Variants in ZIM2 observed in about 807,000 individuals in gnomAD.
ZIM2 encodes zinc finger protein 656.
Under a neutral mutation model 38.6 loss-of-function variants are expected in ZIM2, and 14 were observed. The observed-to-expected ratio is 0.36, with a 90% CI of 0.24 to 0.57. The LOEUF is 0.57. ZIM2 is among the 20% of genes least tolerant of loss of function. The pLI is 0.81. For missense variants in ZIM2, 680 were observed against 695.1 expected (o/e 0.98, Z 0.24); for synonymous variants, 247 against 245.8 (o/e 1.00, Z -0.04).
intron 5 of ZIM2, among the ~76,000 whole-genome samples, chr19:56,823,042 G>T (rs2060652824): frequency 6.6e-6 from 1 of 152,170 alleles, no homozygotes; most frequent in Admixed American, 6.5e-5. Context: ...CTTTGCCCAA[G>T]TGGGGCTTGC....
intron 9 of ZIM2, chr19:56,793,174 C>T (rs560527021): frequency 1.3e-4 from 20 of 152,770 alleles, no homozygotes; most frequent in Non-Finnish European, 2.4e-4. Context: ...TGGCTGCAGC[C>T]ATTGCAAACA....
chr19:56,834,539 A>G (rs1313147967), intron 2 of ZIM2, among the ~76,000 whole-genome samples: 2 of 152,220 alleles, frequency 1.3e-5, no homozygotes, highest in African/African-American at 4.8e-5. Flanking sequence ...ACCATGAATT[A>G]ATAAACCAGA....
At chr19:56,821,594 C>T (rs1471654766) in intron 7 of ZIM2, 57 bp downstream of exon 7, 16 of 1,594,982 alleles carry the variant, frequency 1.0e-5, no homozygotes, top group East Asian at 2.2e-5. Flanking sequence ...GAAAGAAAGG[C>T]GTCTCTGCCA....
chr19:56,813,039 A>G (rs2059645703), intron 9 of ZIM2: 1 of 985,398 alleles, frequency 1.0e-6, no homozygotes, highest in African/African-American at 1.7e-5. Flanking sequence ...AGTAAAAGCC[A>G]TGTTATCTAT....
At chr19:56,780,329 G>C (rs1294123197) in intron 11 of ZIM2, among the ~76,000 whole-genome samples, 1 of 147,824 alleles carries the variant, frequency 6.8e-6, no homozygotes, top group South Asian at 2.1e-4. Flanking sequence ...TGCAGCCTCT[G>C]CCTCCCAGAT....
chr19:56,827,387 T>C (rs1314180670), intron 2 of ZIM2, among the ~76,000 whole-genome samples: 2 of 151,668 alleles, frequency 1.3e-5, no homozygotes, highest in Non-Finnish European at 2.9e-5. Flanking sequence ...CATTGAAAAA[T>C]GGAAGTTATT....
intron 11 of ZIM2, among the ~76,000 whole-genome samples, chr19:56,781,355 T>C (rs948803319): frequency 6.6e-6 from 1 of 152,216 alleles, no homozygotes; most frequent in Non-Finnish European, 1.5e-5. Flanking sequence ...CAACTTTACC[T>C]GTGAGAACAG....
chr19:56,805,962 C>A (rs990744140), intron 9 of ZIM2, among the ~76,000 whole-genome samples: 1 of 152,060 alleles, frequency 6.6e-6, no homozygotes, highest in East Asian at 1.9e-4. Context: ...ATAATAGTAC[C>A]TCAGTTATGT....
rs764269213 is a variant in ZIM2, at chr19:56,814,744, C to G, written c.490+3002G>C. 3.7e-6 allele frequency: 6 copies of G among 1,614,000 alleles called. No individual in the cohort carries two copies. In the African/African-American group the frequency reaches 6.7e-5, roughly 18 times the overall value. ...ATTAAGGGCAGAGCTATGAATGAAG[C>G]CTTGTCCACACAAAAGGCATCGAAT... On this transcript the variant is annotated intron_variant, in intron 9 of 12. Transcript: ENST00000629319. This position sits in a 1 kb window ranked among gnomAD's most constrained non-coding sequence, Gnocchi z 5.8.
intron 6 of ZIM2, 64 bp downstream of exon 6, chr19:56,822,689 C>G (rs893140692): frequency 6.3e-7 from 1 of 1,590,448 alleles, no homozygotes; most frequent in Non-Finnish European, 8.6e-7. Flanking sequence ...GCACTTTCCC[C>G]TTGAACCTGT....
At chr19:56,815,264 C>T (rs949777375) in intron 9 of ZIM2, 1 of 1,614,240 alleles carries the variant, frequency 6.2e-7, no homozygotes. Flanking sequence ...GACTCCTCGC[C>T]ATGAGACTTC....
intron 1 of ZIM2, among the ~76,000 whole-genome samples, chr19:56,839,696 A>G (rs3795004): frequency 0.16 from 23,515 of 151,050 alleles, 2,043 homozygotes; most frequent in East Asian, 0.33. Flanking sequence ...TGGGGCTGGA[A>G]CAGACCATTA....
At chr19:56,838,900 G>C (rs1313317315) in intron 1 of ZIM2, among the ~76,000 whole-genome samples, 1 of 152,064 alleles carries the variant, frequency 6.6e-6, no homozygotes, top group Non-Finnish European at 1.5e-5. Context: ...CAGCCGCCCC[G>C]ATCAAAGATG....
chr19:56,837,941 C>T (rs1409787369), intron 1 of ZIM2, among the ~76,000 whole-genome samples: 1 of 152,212 alleles, frequency 6.6e-6, no homozygotes, highest in African/African-American at 2.4e-5. Context: ...ACATTGAATG[C>T]CGGCTGCTCT....
chr19:56,782,142 G>A, intron 10 of ZIM2, 21 bp from the exon 11 acceptor site: 1 of 1,611,050 alleles, frequency 6.2e-7, no homozygotes, highest in Non-Finnish European at 8.5e-7. Flanking sequence ...GAGAGGAGAA[G>A]GGACGTGATT....
intron 9 of ZIM2, chr19:56,812,620 A>C: frequency 1.0e-6 from 1 of 985,720 alleles, no homozygotes; most frequent in Non-Finnish European, 1.2e-6. Context: ...GAAGCGCACA[A>C]AGGAAGTGAT....
chr19:56,817,277 C>T, intron 9 of ZIM2: 1 of 1,614,144 alleles, frequency 6.2e-7, no homozygotes, highest in Non-Finnish European at 8.5e-7. Context: ...CTCTTTCTTT[C>T]AAGAACTCTC....
At chr19:56,831,667 G>A (rs1246050628) in intron 2 of ZIM2, among the ~76,000 whole-genome samples, 1 of 152,184 alleles carries the variant, frequency 6.6e-6, no homozygotes, top group Admixed American at 6.5e-5. Flanking sequence ...TTAGCAAAAT[G>A]TTACATAACC....
chr19:56,801,698 A>AT (rs2145992157), intron 9 of ZIM2, among the ~76,000 whole-genome samples: 1 of 152,330 alleles, frequency 6.6e-6, no homozygotes, highest in South Asian at 2.1e-4. Context: ...GACCAATCCC[A>AT]TAGAGAAGAG....
Sources: gnomAD v4.1 joint callset for allele counts (sites outside exome capture counted in the v4.1 genomes callset) on GRCh38, gnomAD v4.1.1 for gene constraint, Gnocchi (gnomAD v3.1) non-coding constraint, MANE v1.5 for transcripts, NCBI Gene and HGNC (gene_info 2026-07-23, HGNC 2026-07-21) for gene names.